SLC25A12: variants seen among roughly 807,000 people sequenced by gnomAD.
SLC25A12 encodes the protein solute carrier family 25 member 12.
SLC25A12 carries 32 observed loss-of-function variants against 83.3 expected under a neutral mutation model. The observed-to-expected ratio is 0.38, with a 90% CI of 0.29 to 0.52. The LOEUF (loss-of-function observed/expected upper bound fraction) is 0.52, where lower values mean the gene tolerates loss of function less well. Among genes scored for constraint, SLC25A12 ranks in the 20% least tolerant of loss-of-function variants. The probability of loss-of-function intolerance (pLI) is 0.84; values close to 1 mark genes in which losing one functional copy is unlikely to be tolerated. For synonymous variants in SLC25A12, 267 were observed against 291.1 expected (o/e 0.92, Z 0.84); for missense variants, 611 against 835.6 (o/e 0.73, Z 3.31).
chr2:171,876,543 T>TTGGG (rs1553477080), intron 2 of SLC25A12, among the ~76,000 whole-genome samples: 3 of 29,524 alleles, frequency 1.0e-4, no homozygotes, highest in Non-Finnish European at 2.9e-4. Flanking sequence ...TTTTTTTTTT[T>TTGGG]GGGGGGGGGG....
intron 3 of SLC25A12, among the ~76,000 whole-genome samples, chr2:171,863,568 C>T (rs74416862): frequency 0.031 from 4,684 of 150,354 alleles, 101 homozygotes; most frequent in Non-Finnish European, 0.046. Context: ...CCTACTTTAA[C>T]AATGCAACTC....
At chr2:171,828,614 C>T (rs1229547062) in intron 8 of SLC25A12, among the ~76,000 whole-genome samples, 2 of 152,162 alleles carry the variant, frequency 1.3e-5, no homozygotes, top group South Asian at 2.1e-4. Flanking sequence ...CCTCTCTTGT[C>T]GAGGGCCTGA....
At chr2:171,789,801 G>A (rs916510077) in intron 15 of SLC25A12, among the ~76,000 whole-genome samples, 1 of 152,008 alleles carries the variant, frequency 6.6e-6, no homozygotes, top group Non-Finnish European at 1.5e-5. Context: ...GGCTGACACA[G>A]GAGAATCGCT....
intron 4 of SLC25A12, among the ~76,000 whole-genome samples, chr2:171,847,854 GTCAT>G (rs1389196776): frequency 6.6e-6 from 1 of 152,154 alleles, no homozygotes; most frequent in African/African-American, 2.4e-5. Flanking sequence ...AAAGTAGCCT[GTCAT>G]TATGTTCTCT....
chr2:171,881,647 AT>A (rs1185175995), intron 2 of SLC25A12, among the ~76,000 whole-genome samples: 1 of 152,086 alleles, frequency 6.6e-6, no homozygotes, highest in South Asian at 2.1e-4. Context: ...AGAATGTTCT[AT>A]TTTTTTAAAA....
At chr2:171,787,541 C>A in intron 17 of SLC25A12, 30 bp downstream of exon 17, 1 of 1,527,064 alleles carries the variant, frequency 6.5e-7, no homozygotes, top group Non-Finnish European at 9.1e-7. Flanking sequence ...TTAGTGATTT[C>A]TTTGTAAAGG....
At chr2:171,844,604 A>G in intron 4 of SLC25A12, 96 bp from the exon 5 acceptor site, 1 of 862,132 alleles carries the variant, frequency 1.2e-6, no homozygotes, top group Non-Finnish European at 1.9e-6. Context: ...AGAAGTTTTA[A>G]AAGTCAATAT....
At chr2:171,886,014 C>T (rs545914581) in intron 2 of SLC25A12, among the ~76,000 whole-genome samples, 6 of 152,140 alleles carry the variant, frequency 3.9e-5, no homozygotes, top group Admixed American at 1.3e-4. Context: ...TTAAATCATA[C>T]ACAAACATAT....
chr2:171,878,193 C>T (rs1024840514), intron 2 of SLC25A12, among the ~76,000 whole-genome samples: 3 of 152,056 alleles, frequency 2.0e-5, no homozygotes, highest in Admixed American at 2.0e-4. Flanking sequence ...GATGATGGCA[C>T]GACGGACACT....
intron 4 of SLC25A12, among the ~76,000 whole-genome samples, chr2:171,853,542 G>A (rs148080758): frequency 1.0e-3 from 154 of 152,260 alleles, no homozygotes; most frequent in Middle Eastern, 3.4e-3. Flanking sequence ...TTAGCGAGGC[G>A]TGGTGACAGG....
intron 13 of SLC25A12, among the ~76,000 whole-genome samples, chr2:171,808,700 CTTTT>C (rs912470706): frequency 6.6e-6 from 1 of 152,132 alleles, no homozygotes; most frequent in East Asian, 1.9e-4. Context: ...AATGCCACCT[CTTTT>C]TTTGTTATTA....
chr2:171,803,018 C>T (rs1683742574), intron 13 of SLC25A12, among the ~76,000 whole-genome samples: 2 of 150,972 alleles, frequency 1.3e-5, no homozygotes, highest in South Asian at 4.2e-4. Flanking sequence ...TGCATAAGAG[C>T]ATGTACACAT....
intron 4 of SLC25A12, among the ~76,000 whole-genome samples, 184 bp downstream of exon 4, chr2:171,855,650 T>C (rs771047472): frequency 6.6e-6 from 1 of 152,210 alleles, no homozygotes; most frequent in Non-Finnish European, 1.5e-5. Flanking sequence ...CACTTCTTCA[T>C]CTTTGGCAAC....
chr2:171,886,277 C>G lies in SLC25A12; in HGVS notation c.66+6928G>C, dbSNP rs111581470. Among the ~76,000 whole-genome samples the G allele has an allele frequency of 3.8e-3, 526 of 138,626 alleles. 9 individuals are homozygous for G. Among genetic ancestry groups the G allele is most frequent in the African/African-American group, 0.014 (505 of 36,706 alleles). 90.9% of individuals were successfully genotyped at this position (138,626 alleles called of 152,430 possible). ...ACAGAGTCTCACTCTGTCACTCAGG[C>G]TGGAGTGCAGTGGTGCACATGGCTC... On this transcript the variant is annotated intron_variant, in intron 2 of 17. Transcript: ENST00000422440.
At position 171,784,972 on chromosome 2, in the gene SLC25A12, GATGTACAAT is replaced by G. The variant is rs1418201647; in HGVS notation, c.*293_*301del. On this transcript the variant is annotated 3_prime_UTR_variant, in exon 18 of 18. Coordinates refer to ENST00000422440, the MANE Select transcript of SLC25A12 (RefSeq NM_003705.5). Reference sequence around the variant, plus strand: ...AGGTGCCAAGATGTCTCTGTACAAAGATGTACAATATGTACAATCACTGTAAGTGCAAGC... The same window carrying G: ...AGGTGCCAAGATGTCTCTGTACAAAGATGTACAATCACTGTAAGTGCAAGC... The G allele has an allele frequency of 3.0e-5, 11 of 372,812 alleles. No individual in the cohort carries two copies. Among genetic ancestry groups the G allele is most frequent in the Non-Finnish European group, 4.1e-5 (8 of 193,324 alleles). 23.1% of individuals were successfully genotyped at this position (372,812 alleles called of 1,614,324 possible).
intron 2 of SLC25A12, among the ~76,000 whole-genome samples, chr2:171,883,253 T>G (rs996338099): frequency 6.6e-6 from 1 of 152,236 alleles, no homozygotes; most frequent in African/African-American, 2.4e-5. Flanking sequence ...TATTTGGTTC[T>G]GCATAGTTTA....
intron 4 of SLC25A12, among the ~76,000 whole-genome samples, chr2:171,850,887 C>A (rs1019482017): frequency 1.3e-5 from 2 of 152,178 alleles, no homozygotes; most frequent in Non-Finnish European, 2.9e-5. Context: ...CTAACCCATC[C>A]CAATTTATTC....
chr2:171,891,092 G>A (rs1685924877), intron 2 of SLC25A12, among the ~76,000 whole-genome samples: 1 of 152,152 alleles, frequency 6.6e-6, no homozygotes, highest in Non-Finnish European at 1.5e-5. Context: ...AGATCACGAG[G>A]TCAGGAGATC....
At position 171,810,283 on chromosome 2, in the gene SLC25A12, A is replaced by G. The variant is rs762756248; in HGVS notation, c.1172-7T>C. On this transcript the variant is annotated splice_polypyrimidine_tract_variant and splice_region_variant and intron_variant, in intron 11 of 17. Coordinates refer to ENST00000422440, the MANE Select transcript of SLC25A12 (RefSeq NM_003705.5). ...ATAAGTTGTGGTATCAGACCTAGGT[A>G]AAGGGACAGAATCATCAGCAATATA... is the stretch of plus-strand genomic sequence containing the variant. The G allele has an allele frequency of 1.2e-6, 2 of 1,611,794 alleles. No homozygotes were observed.
Sources: gnomAD v4.1 joint callset for allele counts (sites outside exome capture counted in the v4.1 genomes callset) on GRCh38, gnomAD v4.1.1 for gene constraint, MANE v1.5 for transcripts, NCBI Gene and HGNC (gene_info 2026-07-23, HGNC 2026-07-21) for gene names.